The following ERCC6L2 variants were observed in gnomAD, a reference collection of about 807,000 sequenced individuals.
ERCC6L2 encodes the protein DNA excision repair protein ERCC-6-like 2.
A neutral mutation model predicts 132.0 loss-of-function variants in ERCC6L2; 77 were observed. The ratio of observed to expected loss-of-function variants is 0.58; its 90% CI spans 0.49 to 0.71. The LOEUF is 0.71. Ranked by LOEUF, ERCC6L2 falls within the 30% of genes least tolerant of loss-of-function variation. ERCC6L2 has a pLI of 0.00. For synonymous variants in ERCC6L2, 583 were observed against 632.4 expected (o/e 0.92, Z 1.17); for missense variants, 1,542 against 1,837.6 (o/e 0.84, Z 2.94).
At chr9:95,907,318 T>C (rs1829091183) in intron 4 of ERCC6L2, 47 bp downstream of exon 4, 2 of 1,152,734 alleles carry the variant, frequency 1.7e-6, no homozygotes. Context: ...ATAGTCTACT[T>C]ACATCCCTTT....
Position 95,978,088 on chromosome 9 carries a change from A to C in ERCC6L2, c.3365A>C (p.His1122Pro). ...GGCGTTCAGGAAGTGGCTTATATTC[A>C]CTCAAACCAGAATGTAATTGGATCG... ...LDGVQEVAYIHSNQNVIGSSK... is the reference protein window; with the variant it reads ...LDGVQEVAYIPSNQNVIGSSK... The change falls in exon 17 of 19, where the codon CAC (histidine) becomes CCC (proline). Residue 1122 changes from histidine to proline, a missense_variant. Physicochemically the swap from His to Pro is moderately conservative, Grantham distance 77. Transcript: ENST00000653738. 1 of 1,367,202 alleles carries C rather than the reference A, an allele frequency of 7.3e-7. No individual in the cohort carries two copies. The highest frequency in any genetic ancestry group is 4.5e-5 in the East Asian group (1 of 21,980). 84.7% of individuals were successfully genotyped at this position (1,367,202 alleles called of 1,614,324 possible). A position where few individuals can be genotyped will look rare whatever the true frequency, so the allele number is the denominator to read the frequency against.
intron 1 of ERCC6L2, among the ~76,000 whole-genome samples, chr9:95,877,766 A>G (rs2132494810): frequency 6.6e-6 from 1 of 152,022 alleles, no homozygotes; most frequent in South Asian, 2.1e-4. Flanking sequence ...TAATTGTGCC[A>G]TGACACTCCA....
chr9:95,960,478 T>C (rs1420690714), intron 13 of ERCC6L2, among the ~76,000 whole-genome samples: 2 of 152,084 alleles, frequency 1.3e-5, no homozygotes, highest in Non-Finnish European at 2.9e-5. Context: ...TCCACAAGTG[T>C]CCTTATAAGA....
At chr9:95,905,821 A>G (rs1302650021) in intron 3 of ERCC6L2, among the ~76,000 whole-genome samples, 1 of 152,234 alleles carries the variant, frequency 6.6e-6, no homozygotes, top group Non-Finnish European at 1.5e-5. Flanking sequence ...GTTTCACAGA[A>G]AACAGAGCAG....
intron 2 of ERCC6L2, among the ~76,000 whole-genome samples, chr9:95,892,274 A>G (rs910035741): frequency 2.0e-5 from 3 of 152,022 alleles, no homozygotes; most frequent in African/African-American, 7.2e-5. Context: ...TTATTTTACC[A>G]TTCCTCTAGG....
At position 96,012,431 on chromosome 9, in the gene ERCC6L2, G is replaced by T. The variant is rs374216008; in HGVS notation, c.3881G>T (p.Arg1294Leu). 1.5e-6 allele frequency: 2 copies of T among 1,364,046 alleles called. No homozygotes were observed. The highest frequency in any genetic ancestry group is 2.3e-5 in the South Asian group (2 of 87,538). 84.5% of individuals were successfully genotyped at this position (1,364,046 alleles called of 1,614,324 possible). Residue 1294 changes from arginine (R) to leucine (L), a missense_variant, in exon 19 of 19, where the codon CGG becomes CTG. This residue lies in a region of ERCC6L2 where 442 missense variants were observed against 583.4 expected (regional missense o/e 0.76). Transcript: ENST00000653738. Reference sequence around the variant, plus strand: ...TTTGAGAAAGGAGAGCAGCGCACCCGGAAGAAATCTGATAAAAGAGAATCT... The same window carrying T: ...TTTGAGAAAGGAGAGCAGCGCACCCTGAAGAAATCTGATAAAAGAGAATCT... Reference protein sequence around the residue: ...SSFEKGEQRTRKKSDKRESLI... With the variant: ...SSFEKGEQRTLKKSDKRESLI...
At chr9:95,989,852 A>C (rs1381287588) in intron 17 of ERCC6L2, among the ~76,000 whole-genome samples, 1 of 152,250 alleles carries the variant, frequency 6.6e-6, no homozygotes, top group African/African-American at 2.4e-5. Flanking sequence ...GCAAGAAAAG[A>C]GTATGCAAGG....
At chr9:95,924,619 A>G (rs1384591565) in intron 9 of ERCC6L2, among the ~76,000 whole-genome samples, 1 of 152,000 alleles carries the variant, frequency 6.6e-6, no homozygotes, top group East Asian at 1.9e-4. Flanking sequence ...ATTCCCTGTG[A>G]CTCTTCACTA....
chr9:95,931,728 A>G (rs671058), intron 11 of ERCC6L2, among the ~76,000 whole-genome samples: 40,824 of 151,862 alleles, frequency 0.27, 5,995 homozygotes, highest in East Asian at 0.4. Flanking sequence ...GGAACTCGTA[A>G]GAGTTTTTCT....
chr9:95,896,679 C>G (rs1806328609), intron 2 of ERCC6L2, among the ~76,000 whole-genome samples: 1 of 152,186 alleles, frequency 6.6e-6, no homozygotes. Context: ...CCGTCTTAGC[C>G]TCCCAAAGTG....
intron 13 of ERCC6L2, 51 bp downstream of exon 13, chr9:95,956,064 C>A: frequency 1.9e-6 from 2 of 1,077,702 alleles, no homozygotes; most frequent in Non-Finnish European, 1.3e-6. Context: ...TATCTGTTTT[C>A]AAAAATTAGG....
intron 18 of ERCC6L2, among the ~76,000 whole-genome samples, chr9:96,005,292 G>A (rs1303641624): frequency 2.6e-5 from 4 of 151,866 alleles, no homozygotes; most frequent in Admixed American, 6.6e-5. Flanking sequence ...CAACCTGGGC[G>A]ACAGAGCGAG....
chr9:96,008,764 A>G (rs1004934691), intron 18 of ERCC6L2, among the ~76,000 whole-genome samples: 3 of 152,254 alleles, frequency 2.0e-5, no homozygotes, highest in Non-Finnish European at 4.4e-5. Context: ...CTTGATGTCA[A>G]GACCCTTGCT....
At chr9:95,965,524 G>GT (rs1832112576) in intron 13 of ERCC6L2, among the ~76,000 whole-genome samples, 1 of 151,514 alleles carries the variant, frequency 6.6e-6, no homozygotes, top group African/African-American at 2.4e-5. Context: ...CTCTTTTTTT[G>GT]TTTTTTGTGA....
At position 95,907,142 on chromosome 9, in the gene ERCC6L2, G is replaced by C; in HGVS notation, c.659G>C (p.Gly220Ala). The part of the protein sequence containing the change: ...YNWKDELDTW[G>A]YFRVTVLHGN... ...TGGAAGGATGAATTGGACACCTGGG[G>C]ATATTTCAGAGTCACTGTTTTACAT... is the stretch of plus-strand genomic sequence containing the variant. Residue 220 changes from glycine (G) to alanine (A), a missense_variant, in exon 4 of 19, where the codon GGA (glycine) becomes GCA (alanine). Gly to Ala is a moderately conservative substitution (Grantham distance 60, BLOSUM62 0). This residue lies in a region of ERCC6L2 where 945 missense variants were observed against 1,105.2 expected (regional missense o/e 0.86). Transcript: ENST00000653738. 1 of 1,613,290 alleles carries C rather than the reference G, an allele frequency of 6.2e-7. No individual in the cohort carries two copies. The highest frequency in any genetic ancestry group is 8.5e-7 in the Non-Finnish European group (1 of 1,179,636).
At chr9:95,956,045 G>A in intron 13 of ERCC6L2, 32 bp downstream of exon 13, 1 of 1,334,060 alleles carries the variant, frequency 7.5e-7, no homozygotes, top group South Asian at 1.3e-5. Flanking sequence ...TGTTTCAGAG[G>A]TCAACATTTA....
chr9:96,029,055 A>G lies in ERCC6L2; in HGVS notation c.*1504-9821A>G, dbSNP rs184368424. On this transcript the variant is annotated intron_variant and NMD_transcript_variant, in intron 19 of 20. Coordinates refer to the ERCC6L2 transcript ENST00000670016. Reference sequence around the variant, plus strand: ...CGCGGTGGCTCAGGCCTGTAATCCCAGCACTTTGGGAGGTCAAGGTGGGCG... The same window carrying G: ...CGCGGTGGCTCAGGCCTGTAATCCCGGCACTTTGGGAGGTCAAGGTGGGCG... 2.9e-3 allele frequency among the ~76,000 whole-genome samples: 435 copies of G among 152,276 alleles called. 3 individuals are homozygous for G. Among genetic ancestry groups the G allele is most frequent in the African/African-American group, 9.8e-3 (409 of 41,552 alleles).
intron 4 of ERCC6L2, among the ~76,000 whole-genome samples, chr9:95,914,867 A>AT (rs1829507346): frequency 6.7e-6 from 1 of 149,672 alleles, no homozygotes; most frequent in Non-Finnish European, 1.5e-5. Context: ...AGAGTCGCAA[A>AT]TTTTTTTTCC....
intron 19 of ERCC6L2, among the ~76,000 whole-genome samples, chr9:96,030,093 C>T (rs1834434361): frequency 6.6e-6 from 1 of 152,146 alleles, no homozygotes; most frequent in Non-Finnish European, 1.5e-5. Context: ...GTAAAATGCC[C>T]CAGTCAGCAC....
Sources: allele counts gnomAD v4.1 joint callset (sites outside exome capture counted in the v4.1 genomes callset), GRCh38; gene constraint gnomAD v4.1.1; regional missense constraint gnomAD v4.1.1; transcripts MANE v1.5; gene names NCBI Gene and HGNC (gene_info 2026-07-23, HGNC 2026-07-21).